The following RBPJ variants were observed in gnomAD, a reference collection of about 807,000 sequenced individuals.
RBPJ encodes recombination signal binding protein for immunoglobulin kappa J region, also known as recombining binding protein suppressor of hairless.
In RBPJ, 9 loss-of-function variants were observed where a neutral mutation model predicts 67.8. The ratio of observed to expected loss-of-function variants is 0.13; its 90% CI spans 0.08 to 0.23. The LOEUF is 0.23. Among genes scored for constraint, RBPJ ranks in the 10% least tolerant of loss-of-function variants. The pLI is 1.00. For missense variants in RBPJ, 305 were observed against 595.6 expected (o/e 0.51, Z 5.08); for synonymous variants, 198 against 203.3 (o/e 0.97, Z 0.22).
chr4:26,225,852 A>G (rs1185160030), intron 1 of RBPJ, among the ~76,000 whole-genome samples: 13 of 151,810 alleles, frequency 8.6e-5, no homozygotes, highest in East Asian at 1.9e-4. Context: ...AAATAGGGGG[A>G]AAAAAAAGGA....
intron 1 of RBPJ, among the ~76,000 whole-genome samples, chr4:26,255,818 AG>A (rs1356251743): frequency 1.0e-4 from 15 of 150,644 alleles, no homozygotes; most frequent in African/African-American, 2.9e-4. Flanking sequence ...AAAAAAAAAA[AG>A]AAAAGAAAAA....
rs1227178564 is a variant in RBPJ at position 26,244,247 on chromosome 4, G to GTGTACACATATATGTGTCTATATATGTA, written c.-167+80634_-167+80635insGTACACATATATGTGTCTATATATGTAT. On this transcript the variant is annotated intron_variant, in intron 1 of 4. Transcript: ENST00000512351. ...TACACATATATGTGTCTATATATGT[G>GTGTACACATATATGTGTCTATATATGTA]TACACATACACATATGTGTACACAT... Among the ~76,000 whole-genome samples the GTGTACACATATATGTGTCTATATATGTA allele has an allele frequency of 2.3e-3, 7 of 3,106 alleles. 3 individuals carry two copies. Among genetic ancestry groups the GTGTACACATATATGTGTCTATATATGTA allele is most frequent in the African/African-American group, 3.1e-3 (5 of 1,594 alleles). The allele number at this position is 3,106 out of a possible 152,430, so 2.0% of individuals were successfully genotyped here. A position where few individuals can be genotyped will look rare whatever the true frequency, so the allele number is the denominator to read the frequency against.
In RBPJ at chr4:26,192,849, A is replaced by C. The variant is rs1717618134; in HGVS notation, c.-167+29235A>C. Among the ~76,000 whole-genome samples the C allele has an allele frequency of 3.3e-5, 5 of 152,200 alleles. No individual in the cohort carries two copies. In the South Asian group the frequency reaches 1.0e-3, roughly 32 times the overall value. ...AAATGTCCATATCCTAGTCACCAGAACCTGCAAATACGTCACCAAAGGGAC... is the reference window on the plus strand; with the variant it reads ...AAATGTCCATATCCTAGTCACCAGACCCTGCAAATACGTCACCAAAGGGAC... On this transcript the variant is annotated intron_variant, in intron 1 of 4. Coordinates refer to the RBPJ transcript ENST00000512351.
At chr4:26,140,334 C>T in the RBPJ span, among the ~76,000 whole-genome samples, 1 of 152,276 alleles carries the variant, frequency 6.6e-6, no homozygotes, top group Admixed American at 6.5e-5. Flanking sequence ...TGGTTACAAG[C>T]AGCAGTAAAC....
intron 1 of RBPJ, among the ~76,000 whole-genome samples, chr4:26,307,886 A>G (rs930716215): frequency 6.6e-6 from 1 of 152,232 alleles, no homozygotes; most frequent in Non-Finnish European, 1.5e-5. Context: ...GCTAATCATG[A>G]CAGAATTTAG....
intron 1 of RBPJ, among the ~76,000 whole-genome samples, chr4:26,311,263 G>A (rs6837108): frequency 0.18 from 27,696 of 151,938 alleles, 3,854 homozygotes; most frequent in African/African-American, 0.38. Context: ...GGGGCCAGGC[G>A]CGGTGGCTCA....
In RBPJ at chr4:26,406,256, T is replaced by C. The variant is rs3113014; in HGVS notation, c.141T>C (p.Tyr47=). ...ATGCAAAAGTTGCACAGAAGTCATA[T>C]GGAAATGAAAAAAGGTAAGATTATT... ...ILHAKVAQKS[Y]GNEKRFFCPP... The change falls in exon 3 of 11, where the codon TAT becomes TAC. Residue 47 remains tyrosine (Y), a synonymous_variant. Coordinates refer to ENST00000355476, the MANE Select transcript of RBPJ (RefSeq NM_015874.6). The C allele has an allele frequency of 6.7e-3, 10,676 of 1,603,822 alleles. 277 individuals carry two copies. The African/African-American group carries it at 0.077, about 12-fold the overall frequency.
intron 1 of RBPJ, among the ~76,000 whole-genome samples, chr4:26,370,452 G>A (rs1729038821): frequency 6.6e-6 from 1 of 152,116 alleles, no homozygotes; most frequent in African/African-American, 2.4e-5. Context: ...AATTGCCTGG[G>A]TGTAATTGCT....
intron 1 of RBPJ, among the ~76,000 whole-genome samples, chr4:26,167,440 T>C (rs1367846746): frequency 6.8e-6 from 1 of 147,958 alleles, no homozygotes; most frequent in East Asian, 2.0e-4. Flanking sequence ...ACGTCCCTTG[T>C]AAGTTGGATT....
At chr4:26,344,036 C>G (rs1394034483) in intron 1 of RBPJ, among the ~76,000 whole-genome samples, 11 of 151,932 alleles carry the variant, frequency 7.2e-5, no homozygotes, top group African/African-American at 2.7e-4. Flanking sequence ...CAGGCCTGAG[C>G]CACTGCCCCC....
chr4:26,295,619 A>C (rs539393296), intron 1 of RBPJ, among the ~76,000 whole-genome samples: 1 of 152,088 alleles, frequency 6.6e-6, no homozygotes, highest in Non-Finnish European at 1.5e-5. Flanking sequence ...ACCCAACTGT[A>C]CCCAATTCTC....
At chr4:26,235,425 T>A (rs1018207475) in intron 1 of RBPJ, among the ~76,000 whole-genome samples, 2 of 152,244 alleles carry the variant, frequency 1.3e-5, no homozygotes, top group African/African-American at 4.8e-5. Context: ...AGAACTTATG[T>A]CTTTACATGG....
At chr4:26,307,272 T>C (rs1399855707) in intron 1 of RBPJ, among the ~76,000 whole-genome samples, 1 of 152,236 alleles carries the variant, frequency 6.6e-6, no homozygotes, top group Non-Finnish European at 1.5e-5. Context: ...AAATTATACA[T>C]CACAGCATCC....
At chr4:26,255,277 G>A (rs369853795) in intron 1 of RBPJ, among the ~76,000 whole-genome samples, 20,181 of 133,560 alleles carry the variant, frequency 0.15, 1,757 homozygotes, top group Non-Finnish European at 0.2. Flanking sequence ...GGTGGCGGGC[G>A]CCTGTAGTCC....
chr4:26,153,722 A>G, the RBPJ span, among the ~76,000 whole-genome samples: 720 of 152,246 alleles, frequency 4.7e-3, 7 homozygotes, highest in African/African-American at 0.016. Context: ...CATTTTTACC[A>G]TATTATAACT....
Position 26,387,529 on chromosome 4 carries a change from G to A in RBPJ, c.59+1138G>A, listed in dbSNP as rs180720910. Among the ~76,000 whole-genome samples, 279 of 152,194 alleles carry A rather than the reference G, an allele frequency of 1.8e-3. 1 individual carries two copies. Among genetic ancestry groups the A allele is most frequent in the Non-Finnish European group, 3.2e-3 (217 of 67,998 alleles). ...AACCTGGACAAAATATGTAAAAACC[G>A]TTTTCCAGGTATTGAACATCAGGTA... On this transcript the variant is annotated intron_variant, in intron 2 of 10. Coordinates refer to ENST00000355476, the MANE Select transcript of RBPJ (RefSeq NM_015874.6).
At chr4:26,205,565 CAT>C (rs1718140405) in intron 1 of RBPJ, among the ~76,000 whole-genome samples, 1 of 152,100 alleles carries the variant, frequency 6.6e-6, no homozygotes, top group African/African-American at 2.4e-5. Context: ...GCCTGGGCAA[CAT>C]AGAGAGACAC....
chr4:26,316,673 C>CACATTGTGT (rs1560258773), upstream of RBPJ, among the ~76,000 whole-genome samples: 1 of 127,130 alleles, frequency 7.9e-6, no homozygotes, highest in African/African-American at 2.9e-5. Context: ...TATATATACA[C>CACATTGTGT]ATATATATAT....
the RBPJ span, chr4:26,113,641 C>T: frequency 6.4e-6 from 2 of 313,124 alleles, no homozygotes; most frequent in East Asian, 1.3e-4. Flanking sequence ...AGGGAACACA[C>T]ACACGAGAGA....
Sources: allele counts gnomAD v4.1 joint callset (sites outside exome capture counted in the v4.1 genomes callset), GRCh38; gene constraint gnomAD v4.1.1; transcripts MANE v1.5; gene names NCBI Gene and HGNC (gene_info 2026-07-23, HGNC 2026-07-21).